Variants in CALN1 observed in about 807,000 individuals in gnomAD.
The protein encoded by CALN1 is calcium-binding protein 8.
CALN1 carries 17 observed loss-of-function variants against 30.6 expected under a neutral mutation model. The observed-to-expected ratio is 0.56, with a 90% CI of 0.38 to 0.83. The LOEUF is 0.83. Ranked by LOEUF, CALN1 falls within the 40% of genes least tolerant of loss-of-function variation. The pLI is 0.00. For synonymous variants in CALN1, 156 were observed against 131.4 expected (o/e 1.19, Z -1.28); for missense variants, 291 against 354.9 (o/e 0.82, Z 1.45).
chr7:72,320,069 T>G (rs1344462405), intron 2 of CALN1, among the ~76,000 whole-genome samples: 1 of 152,000 alleles, frequency 6.6e-6, no homozygotes, highest in African/African-American at 2.4e-5. Context: ...TGCAGTGAGC[T>G]GAGATCGTGC....
At chr7:72,271,665 G>A (rs573457534) in intron 3 of CALN1, among the ~76,000 whole-genome samples, 2 of 148,550 alleles carry the variant, frequency 1.3e-5, no homozygotes, top group East Asian at 2.0e-4. Context: ...AAAGAGGAAG[G>A]AGGAGATCTA....
chr7:72,338,431 T>C (rs769621841), intron 2 of CALN1, among the ~76,000 whole-genome samples: 7 of 149,894 alleles, frequency 4.7e-5, no homozygotes, highest in Admixed American at 2.0e-4. Context: ...TTGGTTCAAC[T>C]GCCAGGGAAG....
At chr7:72,382,964 T>C (rs1804998501) in intron 2 of CALN1, among the ~76,000 whole-genome samples, 1 of 152,174 alleles carries the variant, frequency 6.6e-6, no homozygotes, top group Admixed American at 6.5e-5. Context: ...AATTTTTGTA[T>C]TTTTCTAGAG....
chr7:71,850,301 C>T (rs369311541), intron 5 of CALN1, among the ~76,000 whole-genome samples: 8 of 152,242 alleles, frequency 5.3e-5, no homozygotes, highest in East Asian at 1.9e-4. Flanking sequence ...CTGCAACCTC[C>T]GCCTCCCGGG....
chr7:72,302,664 C>G lies in CALN1; in HGVS notation c.120-23854G>C, dbSNP rs1347380762. 2.2e-4 allele frequency among the ~76,000 whole-genome samples: 33 copies of G among 151,912 alleles called. 1 individual carries two copies. Among genetic ancestry groups the G allele is most frequent in the Admixed American group, 2.2e-3 (33 of 15,234 alleles). On this transcript the variant is annotated intron_variant, in intron 2 of 6. Coordinates refer to ENST00000395275, the MANE Select transcript of CALN1 (RefSeq NM_031468.4). ...ATCCCAGCACTTTGGGAGGCCAAGG[C>G]ACGTGGATCACTTGAGGTCAGGAGT...
chr7:72,379,128 A>G (rs560396626), intron 2 of CALN1, among the ~76,000 whole-genome samples: 12 of 152,076 alleles, frequency 7.9e-5, no homozygotes, highest in Admixed American at 1.3e-4. Context: ...GGCTGTGTTC[A>G]TAAGTTTTTG....
chr7:71,856,891 G>A (rs1290999613), intron 5 of CALN1, among the ~76,000 whole-genome samples: 2 of 152,118 alleles, frequency 1.3e-5, no homozygotes, highest in Non-Finnish European at 2.9e-5. Flanking sequence ...GGAGGCGGAG[G>A]TTGCAGTGAG....
intron 2 of CALN1, among the ~76,000 whole-genome samples, chr7:72,314,885 C>T (rs1292341815): frequency 6.7e-6 from 1 of 148,594 alleles, no homozygotes; most frequent in Non-Finnish European, 1.5e-5. Context: ...CAGTGGCTCA[C>T]ACCTGTAAAC....
chr7:72,058,158 A>G (rs1803388723), intron 4 of CALN1, among the ~76,000 whole-genome samples: 1 of 152,100 alleles, frequency 6.6e-6, no homozygotes. Flanking sequence ...TTAAACACCT[A>G]CACGTGCTAC....
At chr7:72,223,946 A>G (rs1793488518) in intron 3 of CALN1, among the ~76,000 whole-genome samples, 1 of 152,192 alleles carries the variant, frequency 6.6e-6, no homozygotes, top group Non-Finnish European at 1.5e-5. Context: ...GAGCTCAAGT[A>G]TTGGGTACAC....
chr7:72,305,253 T>C (rs1458185003), intron 2 of CALN1, among the ~76,000 whole-genome samples: 2 of 152,256 alleles, frequency 1.3e-5, no homozygotes, highest in Non-Finnish European at 2.9e-5. Flanking sequence ...GAAGAAATCC[T>C]GCACCAGCTT....
intron 2 of CALN1, among the ~76,000 whole-genome samples, chr7:72,328,205 C>A (rs1445583805): frequency 3.3e-5 from 5 of 152,020 alleles, no homozygotes; most frequent in African/African-American, 1.2e-4. Flanking sequence ...ACATGTAATA[C>A]AGTTTGGCTG....
chr7:72,344,500 T>G (rs1802524313), intron 2 of CALN1, among the ~76,000 whole-genome samples: 2 of 150,328 alleles, frequency 1.3e-5, no homozygotes, highest in Non-Finnish European at 3.0e-5. Flanking sequence ...GCACAGAATA[T>G]AATTCCAATG....
intron 3 of CALN1, among the ~76,000 whole-genome samples, chr7:72,189,035 G>C (rs1790415937): frequency 6.6e-6 from 1 of 152,206 alleles, no homozygotes; most frequent in Admixed American, 6.5e-5. Context: ...GAGAGAAGCA[G>C]AAGGAACTGC....
chr7:72,068,529 C>G (rs536478378), intron 4 of CALN1, among the ~76,000 whole-genome samples: 44 of 152,100 alleles, frequency 2.9e-4, no homozygotes, highest in Middle Eastern at 3.2e-3. Context: ...ACTCTGTTAC[C>G]CAAGCTGGAG....
chr7:72,208,547 G>C (rs1792060734), intron 3 of CALN1, among the ~76,000 whole-genome samples: 1 of 152,196 alleles, frequency 6.6e-6, no homozygotes, highest in African/African-American at 2.4e-5. Context: ...TTCATAGGCA[G>C]AGAAAAAAAG....
chr7:72,257,165 A>G (rs1795971231), intron 3 of CALN1, among the ~76,000 whole-genome samples: 1 of 152,112 alleles, frequency 6.6e-6, no homozygotes, highest in Non-Finnish European at 1.5e-5. Flanking sequence ...CACTTACAAA[A>G]CCATCAAATC....
chr7:71,875,786 C>T (rs1792209072), intron 5 of CALN1, among the ~76,000 whole-genome samples: 1 of 152,226 alleles, frequency 6.6e-6, no homozygotes, highest in Admixed American at 6.5e-5. Context: ...ATTCCAGGAA[C>T]TCCATATTGG....
intron 3 of CALN1, among the ~76,000 whole-genome samples, chr7:72,125,763 C>T (rs957233092): frequency 6.6e-6 from 1 of 151,258 alleles, no homozygotes; most frequent in Admixed American, 6.6e-5. Context: ...CCCCCACCTT[C>T]CTGTCCTCCC....
Sources: gnomAD v4.1 joint callset for allele counts (sites outside exome capture counted in the v4.1 genomes callset) on GRCh38, gnomAD v4.1.1 for gene constraint, MANE v1.5 for transcripts, NCBI Gene and HGNC (gene_info 2026-07-23, HGNC 2026-07-21) for gene names.